The following ABCD2 variants were observed in gnomAD, a reference collection of about 807,000 sequenced individuals.
The protein encoded by ABCD2 is ATP binding cassette subfamily D member 2.
In ABCD2, 36 loss-of-function variants were observed where a neutral mutation model predicts 70.9. The observed-to-expected ratio is 0.51, with a 90% CI of 0.39 to 0.67. The LOEUF is 0.67. Ranked by LOEUF, ABCD2 falls within the 30% of genes least tolerant of loss-of-function variation. The pLI is 0.00. For missense variants in ABCD2, 729 were observed against 890.2 expected, an observed-to-expected ratio of 0.82 and a Z score of 2.30; for synonymous variants, 304 against 306.9, an observed-to-expected ratio of 0.99 and a Z score of 0.10.
At chr12:39,605,721 T>C (rs2120737397) in intron 3 of ABCD2, among the ~76,000 whole-genome samples, 1 of 152,256 alleles carries the variant, frequency 6.6e-6, no homozygotes, top group African/African-American at 2.4e-5. Context: ...ATCAAGAACA[T>C]GTTTCTCAAT....
At chr12:39,588,453 G>A (rs904905304) in intron 6 of ABCD2, among the ~76,000 whole-genome samples, 1 of 152,124 alleles carries the variant, frequency 6.6e-6, no homozygotes, top group Non-Finnish European at 1.5e-5. Context: ...AGAAAGCCAC[G>A]TGAAGAAGGA....
At chr12:39,604,462 C>T (rs1439792564) in intron 4 of ABCD2, among the ~76,000 whole-genome samples, 1 of 151,924 alleles carries the variant, frequency 6.6e-6, no homozygotes, top group Non-Finnish European at 1.5e-5. Context: ...ATGACATTAG[C>T]TCGAATTCTA....
chr12:39,616,906 T>C (rs1761332855), intron 2 of ABCD2, 82 bp downstream of exon 2: 2 of 1,285,246 alleles, frequency 1.6e-6, no homozygotes, highest in Admixed American at 4.5e-5. Flanking sequence ...GTACACAGTT[T>C]AGCTCACATA....
In ABCD2 at chr12:39,552,139, G is replaced by A. The variant is rs148486913; in HGVS notation, c.*1773C>T. The A allele has an allele frequency of 4.0e-5, 6 of 151,850 alleles. No homozygotes were observed. The highest frequency in any genetic ancestry group is 8.8e-5 in the Non-Finnish European group (6 of 67,820). 9.4% of individuals were successfully genotyped at this position (151,850 alleles called of 1,614,324 possible). A position where few individuals can be genotyped will look rare whatever the true frequency, so the allele number is the denominator to read the frequency against. ...AGTAGGTGATAATACTAATGAAAAC[G>A]TTGGACAAATGTACTGATTATAATT... On this transcript the variant is annotated 3_prime_UTR_variant, in exon 10 of 10. Coordinates refer to ENST00000308666, the MANE Select transcript of ABCD2 (RefSeq NM_005164.4).
chr12:39,554,813 T>C (rs1018258899), intron 9 of ABCD2, among the ~76,000 whole-genome samples: 6 of 152,092 alleles, frequency 3.9e-5, no homozygotes, highest in African/African-American at 1.4e-4. Flanking sequence ...TCTGTCGGCT[T>C]TGTGGGGGAT....
rs1445862151 is a variant in ABCD2 at position 39,550,206 on chromosome 12, G to T, written c.*3706C>A. 2.0e-5 allele frequency: 3 copies of T among 151,514 alleles called. No homozygotes were observed. Among genetic ancestry groups the T allele is most frequent in the African/African-American group, 7.3e-5 (3 of 41,326 alleles). 9.4% of individuals were successfully genotyped at this position (151,514 alleles called of 1,614,324 possible). A position where few individuals can be genotyped will look rare whatever the true frequency, so the allele number is the denominator to read the frequency against. On this transcript the variant is annotated 3_prime_UTR_variant, in exon 10 of 10. Coordinates refer to ENST00000308666, the MANE Select transcript of ABCD2 (RefSeq NM_005164.4). ...ATATACAATACAATGTCTAAGTAAG[G>T]CGTATATAGACATATACCCAACATG...
chr12:39,602,777 G>C (rs1941917819), intron 5 of ABCD2, among the ~76,000 whole-genome samples: 1 of 151,996 alleles, frequency 6.6e-6, no homozygotes, highest in Non-Finnish European at 1.5e-5. Context: ...AATGTAGTTA[G>C]TAAGCAAAGC....
At chr12:39,531,206 G>T in the ABCD2 span, among the ~76,000 whole-genome samples, 1 of 152,156 alleles carries the variant, frequency 6.6e-6, no homozygotes, top group Admixed American at 6.5e-5. Context: ...GTCATCAGGA[G>T]GGTGGTCAGC....
the ABCD2 span, among the ~76,000 whole-genome samples, chr12:39,543,011 C>T: frequency 2.0e-5 from 3 of 152,088 alleles, no homozygotes; most frequent in Non-Finnish European, 1.5e-5. Context: ...TATTTTACCT[C>T]GAAGAGTGAC....
intron 8 of ABCD2, among the ~76,000 whole-genome samples, chr12:39,577,375 T>C (rs1244865148): frequency 6.6e-6 from 1 of 152,124 alleles, no homozygotes; most frequent in Non-Finnish European, 1.5e-5. Flanking sequence ...AAATGGGAGA[T>C]TGGGGAACAA....
At chr12:39,609,658 T>G (rs1315400735) in intron 2 of ABCD2, among the ~76,000 whole-genome samples, 41 of 152,206 alleles carry the variant, frequency 2.7e-4, no homozygotes, top group Admixed American at 2.7e-3. Context: ...GTAGCAGTGA[T>G]ATAGATAGCC....
At chr12:39,579,747 T>C (rs1941571190) in intron 7 of ABCD2, 128 bp from the exon 8 acceptor site, 3 of 650,388 alleles carry the variant, frequency 4.6e-6, no homozygotes, top group Non-Finnish European at 7.6e-6. Context: ...TTATAGGATA[T>C]ATGCTTGGAT....
At position 39,574,485 on chromosome 12, in the gene ABCD2, C is replaced by T. The variant is rs151136651; in HGVS notation, c.1878-644G>A. On this transcript the variant is annotated intron_variant, in intron 8 of 9. Transcript: ENST00000308666. ...AAGCTTATTTTTTACTTTGATAATG[C>T]CTGTCTGTTATCAGAGGCATCTTAT... Among the ~76,000 whole-genome samples, 1,004 of 152,112 alleles carry T rather than the reference C, an allele frequency of 6.6e-3. 7 individuals are homozygous for T. The highest frequency in any genetic ancestry group is 0.017 in the South Asian group (81 of 4,816).
intron 8 of ABCD2, among the ~76,000 whole-genome samples, chr12:39,574,682 A>C (rs1566549482): frequency 6.6e-6 from 1 of 152,126 alleles, no homozygotes; most frequent in Admixed American, 6.5e-5. Flanking sequence ...GTCATTTACT[A>C]TTCAATTTGG....
intron 9 of ABCD2, among the ~76,000 whole-genome samples, chr12:39,562,288 A>G (rs1461949253): frequency 6.6e-6 from 1 of 152,100 alleles, no homozygotes; most frequent in Admixed American, 6.5e-5. Context: ...GGAACTGGAA[A>G]ACAAGAACAA....
At chr12:39,567,644 T>TTGTTA (rs59313265) in intron 9 of ABCD2, among the ~76,000 whole-genome samples, 95,349 of 150,710 alleles carry the variant, frequency 0.63, 32,098 homozygotes, top group East Asian at 0.87. Flanking sequence ...AAGGTTAATA[T>TTGTTA]TGTGTGAATT....
chr12:39,576,820 T>C (rs1941524186), intron 8 of ABCD2, among the ~76,000 whole-genome samples: 1 of 152,064 alleles, frequency 6.6e-6, no homozygotes, highest in Non-Finnish European at 1.5e-5. Context: ...TTTATCTTGA[T>C]TGGGGTATTG....
Position 39,600,566 on chromosome 12 carries a change from C to A in ABCD2, c.1646+5G>T. On this transcript the variant is annotated splice_donor_5th_base_variant and intron_variant, in intron 6 of 9. Coordinates refer to ENST00000308666, the MANE Select transcript of ABCD2 (RefSeq NM_005164.4). ...GTTTCTTGTAATATAAAAAGATATA[C>A]CTACCTTTGTGGAATATAAAACATA... The A allele has an allele frequency of 4.5e-6, 7 of 1,571,922 alleles. No individual in the cohort carries two copies. Among genetic ancestry groups the A allele is most frequent in the South Asian group, 1.2e-5 (1 of 81,808 alleles).
At position 39,573,738 on chromosome 12, in the gene ABCD2, T is replaced by C. The variant is rs779210966; in HGVS notation, c.1981A>G (p.Ile661Val). 9 of 1,613,164 alleles carry C rather than the reference T, an allele frequency of 5.6e-6. No homozygotes were observed. Among genetic ancestry groups the C allele is most frequent in the Admixed American group, 5.0e-5 (3 of 59,990 alleles). The change falls in exon 9 of 10, where the codon ATA (isoleucine) becomes GTA (valine). Residue 661 changes from isoleucine (I) to valine (V), a missense_variant. Around this residue, in one of 3 missense-constraint regions of ABCD2, gnomAD observed 289 missense variants for 328.8 expected, o/e 0.88. Transcript: ENST00000308666. ...TACCAAAGAGAAGGTCTGTGTGTTA[T>C]AGACAGTAAGGAAATTCCAGCCCCT... ...AKGAGISLLSITHRPSLWKYH... is the reference protein window; with the variant it reads ...AKGAGISLLSVTHRPSLWKYH...
Sources: allele counts gnomAD v4.1 joint callset (sites outside exome capture counted in the v4.1 genomes callset), GRCh38; gene constraint gnomAD v4.1.1; regional missense constraint gnomAD v4.1.1; transcripts MANE v1.5; gene names NCBI Gene and HGNC (gene_info 2026-07-23, HGNC 2026-07-21).